The following RGMA variants were observed in gnomAD, a reference collection of about 807,000 sequenced individuals.
RGMA encodes repulsive guidance molecule A.
RGMA carries 10 observed loss-of-function variants against 23.2 expected under a neutral mutation model. That is an observed-to-expected ratio of 0.43 (90% CI 0.27 to 0.73). The LOEUF (loss-of-function observed/expected upper bound fraction) is 0.73. Ranked by LOEUF, RGMA falls within the 30% of genes least tolerant of loss-of-function variation. RGMA has a pLI of 0.20. For missense variants in RGMA, 547 were observed against 630.5 expected (o/e 0.87, Z 1.42); for synonymous variants, 308 against 279.3 (o/e 1.10, Z -1.03).
At chr15:93,076,832 T>C (rs1330904215) in intron 1 of RGMA, among the ~76,000 whole-genome samples, 1 of 152,156 alleles carries the variant, frequency 6.6e-6, no homozygotes, top group Non-Finnish European at 1.5e-5. Flanking sequence ...GTGTGTGCCA[T>C]TCATTCCAAT....
chr15:93,045,670 C>T lies in RGMA; in HGVS notation c.681G>A (p.Val227=). The T allele has an allele frequency of 1.2e-6, 2 of 1,607,314 alleles. No homozygotes were observed. Residue 227 remains valine, a synonymous_variant, in exon 4 of 4, where the codon GTG becomes GTA. Transcript: ENST00000329082. This position sits in a 1 kb window ranked among gnomAD's most constrained non-coding sequence, Gnocchi z 6.9. ...TCTCAGCCTGGTACACCTTCTGGTCCACACACTCCTGGAAGTTCTTGAAGA... is the reference window on the plus strand; with the variant it reads ...TCTCAGCCTGGTACACCTTCTGGTCTACACACTCCTGGAAGTTCTTGAAGA... The part of the protein sequence containing the change: ...TIIFKNFQEC[V]DQKVYQAEMD...
At chr15:93,058,060 T>C (rs1359644312) in intron 2 of RGMA, among the ~76,000 whole-genome samples, 1 of 152,226 alleles carries the variant, frequency 6.6e-6, no homozygotes, top group Non-Finnish European at 1.5e-5. Flanking sequence ...TGAGAAACTC[T>C]GGGTCCTGAA....
chr15:93,065,599 G>A (rs1460881088), intron 2 of RGMA: 5 of 792,158 alleles, frequency 6.3e-6, no homozygotes, highest in Non-Finnish European at 1.1e-5. Flanking sequence ...CCAGGATGGT[G>A]GTGGCGGGGT....
chr15:93,066,065 C>T, intron 2 of RGMA: 1 of 1,517,024 alleles, frequency 6.6e-7, no homozygotes, highest in Non-Finnish European at 9.1e-7. Flanking sequence ...GGTGGGGCAA[C>T]TGAGGGAGGC....
intron 2 of RGMA, chr15:93,063,127 G>A (rs1165834341): frequency 1.3e-5 from 2 of 152,198 alleles, no homozygotes; most frequent in Non-Finnish European, 2.9e-5. Context: ...GGAGGCAGGC[G>A]GAGGGAAGGG....
intron 1 of RGMA, among the ~76,000 whole-genome samples, chr15:93,077,290 T>G (rs1245680163): frequency 1.3e-5 from 2 of 152,074 alleles, no homozygotes; most frequent in East Asian, 3.9e-4. Flanking sequence ...AAGATTAGAG[T>G]TGCCCAGGCC....
In RGMA at chr15:93,081,130, C is replaced by T. The variant is rs139956225; in HGVS notation, c.14+7789G>A. ...GGTGGTCCTAACTCCAGCTGTGTGG[C>T]ACCACGCCCTGTCCTATCTTCAGCC... On this transcript the variant is annotated intron_variant, in intron 1 of 3. Coordinates refer to ENST00000329082, the MANE Select transcript of RGMA (RefSeq NM_020211.3). Among the ~76,000 whole-genome samples, 63 of 152,316 alleles carry T rather than the reference C, an allele frequency of 4.1e-4. 1 individual carries two copies. Among genetic ancestry groups the T allele is most frequent in the African/African-American group, 1.5e-3 (62 of 41,558 alleles).
intron 2 of RGMA, among the ~76,000 whole-genome samples, chr15:93,059,150 T>C (rs1000593736): frequency 7.2e-5 from 11 of 152,242 alleles, no homozygotes; most frequent in East Asian, 3.9e-4. Context: ...GCTGTTTCTA[T>C]GCTTTTCAAG....
rs1381463677 is a variant in RGMA at position 93,088,966 on chromosome 15, G to A, written c.-34C>T. On this transcript the variant is annotated 5_prime_UTR_variant, in exon 1 of 4. Coordinates refer to ENST00000329082, the MANE Select transcript of RGMA (RefSeq NM_020211.3). Reference sequence around the variant, plus strand: ...GCGGCCCGCGGGGGGTGGCGCTGGCGGGGCTGCGGGAGAAGAGGGGGTGTC... The same window carrying A: ...GCGGCCCGCGGGGGGTGGCGCTGGCAGGGCTGCGGGAGAAGAGGGGGTGTC... 3 of 1,373,432 alleles carry A rather than the reference G, an allele frequency of 2.2e-6. No individual in the cohort carries two copies. The highest frequency in any genetic ancestry group is 2.8e-6 in the Non-Finnish European group (3 of 1,069,042). 85.1% of individuals were successfully genotyped at this position (1,373,432 alleles called of 1,614,324 possible). A position where few individuals can be genotyped will look rare whatever the true frequency, so the allele number is the denominator to read the frequency against.
chr15:93,065,557 C>T lies in RGMA; in HGVS notation c.130+7359G>A, dbSNP rs1293386073. The T allele has an allele frequency of 8.5e-6, 6 of 701,772 alleles. No individual in the cohort carries two copies. The African/African-American group carries it at 1.1e-4, about 12-fold the overall frequency. The allele number at this position is 701,772 out of a possible 1,614,324, so 43.5% of individuals were successfully genotyped here. A position where few individuals can be genotyped will look rare whatever the true frequency, so the allele number is the denominator to read the frequency against. ...GGAAAAACTGGCAGATAGCAGATGG[C>T]AGCTCTGGGTGTCCTTTGAGTTGGA... On this transcript the variant is annotated intron_variant, in intron 2 of 3. Coordinates refer to ENST00000329082, the MANE Select transcript of RGMA (RefSeq NM_020211.3).
intron 2 of RGMA, among the ~76,000 whole-genome samples, chr15:93,060,801 G>A (rs1024571783): frequency 6.6e-6 from 1 of 152,236 alleles, no homozygotes; most frequent in Non-Finnish European, 1.5e-5. Context: ...CACTCCTGCC[G>A]GGGCAGGGCT....
chr15:93,070,205 AACACTCGAAAC>A (rs1379670177), intron 2 of RGMA, among the ~76,000 whole-genome samples: 4 of 152,204 alleles, frequency 2.6e-5, no homozygotes, highest in African/African-American at 9.7e-5. Context: ...AGTAAATGCA[AACACTCGAAAC>A]ACACAAACGC....
chr15:93,048,005 G>A (rs557665262), intron 3 of RGMA, among the ~76,000 whole-genome samples: 2 of 152,184 alleles, frequency 1.3e-5, no homozygotes, highest in Non-Finnish European at 2.9e-5. Context: ...TCTGGGGCCC[G>A]GAGGCCAGGG....
At chr15:93,076,002 A>G (rs1254626614) in intron 1 of RGMA, among the ~76,000 whole-genome samples, 1 of 152,174 alleles carries the variant, frequency 6.6e-6, no homozygotes, top group Admixed American at 6.5e-5. Context: ...ACTTTTAAAC[A>G]GCTCCCCAAC....
At chr15:93,061,858 CAACG>C (rs1854743514) in intron 2 of RGMA, among the ~76,000 whole-genome samples, 1 of 152,138 alleles carries the variant, frequency 6.6e-6, no homozygotes, top group African/African-American at 2.4e-5. Context: ...GTTTGCATAA[CAACG>C]AAGCCCAATA....
intron 1 of RGMA, among the ~76,000 whole-genome samples, chr15:93,077,277 A>G (rs1437377974): frequency 1.3e-5 from 2 of 152,226 alleles, no homozygotes; most frequent in Middle Eastern, 3.2e-3. Flanking sequence ...TGGGAGATGT[A>G]AAAAGATTAG....
At chr15:93,075,942 T>C (rs1016021542) in intron 1 of RGMA, among the ~76,000 whole-genome samples, 4 of 152,206 alleles carry the variant, frequency 2.6e-5, no homozygotes, top group Non-Finnish European at 5.9e-5. Flanking sequence ...TAGAGCAGTA[T>C]GGCGTTGTGT....
At position 93,044,483 on chromosome 15, in the gene RGMA, GC is replaced by G. The variant is rs2054779626; in HGVS notation, c.*514del. The G allele has an allele frequency of 6.2e-6, 1 of 160,584 alleles. No individual in the cohort carries two copies. Among genetic ancestry groups the G allele is most frequent in the Admixed American group, 6.0e-5 (1 of 16,640 alleles). 9.9% of individuals were successfully genotyped at this position (160,584 alleles called of 1,614,324 possible). A position where few individuals can be genotyped will look rare whatever the true frequency, so the allele number is the denominator to read the frequency against. On this transcript the variant is annotated 3_prime_UTR_variant, in exon 4 of 4. Coordinates refer to ENST00000329082, the MANE Select transcript of RGMA (RefSeq NM_020211.3). ...CCAAGCAGCGCCCCGGGGTTGCCCTGCCTGGGGCCAAGCCCCAAGGATGCCT... is the reference window on the plus strand; with the variant it reads ...CCAAGCAGCGCCCCGGGGTTGCCCTGCTGGGGCCAAGCCCCAAGGATGCCT...
Position 93,089,041 on chromosome 15 carries a change from G to C in RGMA, c.-109C>G. On this transcript the variant is annotated 5_prime_UTR_variant, in exon 1 of 4. Coordinates refer to ENST00000329082, the MANE Select transcript of RGMA (RefSeq NM_020211.3). ...GCAAGGTGGGAGGGGCTCCGCTGGC[G>C]CTGGTCCCCGCCGCCCCGGCCGGCT... The C allele has an allele frequency of 3.4e-6, 2 of 595,964 alleles. No individual in the cohort carries two copies. Among genetic ancestry groups the C allele is most frequent in the Non-Finnish European group, 5.1e-6 (2 of 394,084 alleles). The allele number at this position is 595,964 out of a possible 1,614,324, so 36.9% of individuals were successfully genotyped here.
Sources: gnomAD v4.1 joint callset for allele counts (sites outside exome capture counted in the v4.1 genomes callset) on GRCh38, gnomAD v4.1.1 for gene constraint, Gnocchi (gnomAD v3.1) non-coding constraint, MANE v1.5 for transcripts, NCBI Gene and HGNC (gene_info 2026-07-23, HGNC 2026-07-21) for gene names.